The following PRR5 variants were observed in gnomAD, a reference collection of about 807,000 sequenced individuals.
The protein encoded by PRR5 is proline-rich protein 5.
PRR5 carries 25 observed loss-of-function variants against 30.6 expected under a neutral mutation model. That is an observed-to-expected ratio of 0.82 (90% CI 0.60 to 1.14). The LOEUF (loss-of-function observed/expected upper bound fraction) is 1.14, where lower values mean the gene tolerates loss of function less well. Ranked by LOEUF, PRR5 falls within the 50% of genes most tolerant of loss-of-function variation. PRR5 has a pLI of 0.00. For missense variants in PRR5, 600 were observed against 547.1 expected, an observed-to-expected ratio of 1.10 and a Z score of -0.96; for synonymous variants, 286 against 247.1, an observed-to-expected ratio of 1.16 and a Z score of -1.48.
intron 1 of PRR5, among the ~76,000 whole-genome samples, chr22:44,707,996 ACAAATC>A (rs1343129195): frequency 6.6e-6 from 1 of 152,084 alleles, no homozygotes; most frequent in Non-Finnish European, 1.5e-5. Flanking sequence ...CTCACTCCAC[ACAAATC>A]CACCTCCAAG....
chr22:44,735,924 T>G (rs1484058664), intron 7 of PRR5, among the ~76,000 whole-genome samples: 1 of 152,190 alleles, frequency 6.6e-6, no homozygotes, highest in Non-Finnish European at 1.5e-5. Flanking sequence ...CCACCCAGGC[T>G]TGGTGTAGCC....
chr22:44,731,572 A>G, intron 4 of PRR5, 158 bp from the exon 5 acceptor site: 4 of 685,246 alleles, frequency 5.8e-6, no homozygotes, highest in Non-Finnish European at 1.0e-5. Flanking sequence ...GCCATAGAAC[A>G]GCTGAGCTGT....
intron 1 of PRR5, among the ~76,000 whole-genome samples, chr22:44,704,630 C>T (rs538135838): frequency 6.6e-6 from 1 of 152,226 alleles, no homozygotes; most frequent in South Asian, 2.1e-4. Context: ...TCCTGCACTC[C>T]TCTTATGTGC....
chr22:44,693,953 C>A (rs1925523656), intron 1 of PRR5, among the ~76,000 whole-genome samples: 2 of 152,162 alleles, frequency 1.3e-5, no homozygotes. Context: ...ATAAGGACAT[C>A]AGTCACTGGA....
intron 1 of PRR5, among the ~76,000 whole-genome samples, chr22:44,668,976 G>A (rs1220052851): frequency 6.6e-6 from 1 of 151,320 alleles, no homozygotes; most frequent in Non-Finnish European, 1.5e-5. Context: ...CGCCGACTGC[G>A]GGGCCCTAGG....
At chr22:44,675,787 T>TTAG (rs1555894620), upstream of PRR5, among the ~76,000 whole-genome samples, 1 of 148,694 alleles carries the variant, frequency 6.7e-6, no homozygotes, top group African/African-American at 2.5e-5. Context: ...ATTATTATTA[T>TTAG]TATTATTATT....
chr22:44,710,505 C>G (rs1360452963), intron 1 of PRR5, among the ~76,000 whole-genome samples: 1 of 152,206 alleles, frequency 6.6e-6, no homozygotes, highest in African/African-American at 2.4e-5. Context: ...CATGCCCCAA[C>G]TGGGCCCGTC....
chr22:44,685,211 G>C (rs1272173470), intron 1 of PRR5, among the ~76,000 whole-genome samples: 1 of 152,148 alleles, frequency 6.6e-6, no homozygotes, highest in African/African-American at 2.4e-5. Flanking sequence ...TAGGGCCTCC[G>C]TGAGTGAGCA....
chr22:44,733,108 G>A (rs1302491698), intron 6 of PRR5, among the ~76,000 whole-genome samples: 1 of 152,266 alleles, frequency 6.6e-6, no homozygotes, highest in East Asian at 1.9e-4. Flanking sequence ...TTTGTCAGTG[G>A]GTCAGCTCTG....
At chr22:44,705,706 C>A (rs934544901) in intron 1 of PRR5, among the ~76,000 whole-genome samples, 2 of 151,394 alleles carry the variant, frequency 1.3e-5, no homozygotes, top group Non-Finnish European at 2.9e-5. Context: ...CTCACTGCAA[C>A]CTCCACCTCC....
intron 4 of PRR5, among the ~76,000 whole-genome samples, chr22:44,729,105 C>G (rs772782889): frequency 6.6e-6 from 1 of 152,178 alleles, no homozygotes; most frequent in Non-Finnish European, 1.5e-5. Context: ...GATCTGCCGT[C>G]GCTCATCCAC....
upstream of PRR5, among the ~76,000 whole-genome samples, chr22:44,674,688 C>T (rs1207253445): frequency 1.3e-5 from 2 of 151,056 alleles, no homozygotes; most frequent in Non-Finnish European, 2.9e-5. Flanking sequence ...CACTGCACTC[C>T]AGCCTGGGCG....
upstream of PRR5, among the ~76,000 whole-genome samples, chr22:44,700,133 A>G (rs749306785): frequency 6.6e-6 from 1 of 152,280 alleles, no homozygotes; most frequent in South Asian, 2.1e-4. Flanking sequence ...CCTGGGCAAC[A>G]TAGCAAGACC....
chr22:44,693,564 C>T (rs141720942), intron 1 of PRR5, among the ~76,000 whole-genome samples: 4 of 151,910 alleles, frequency 2.6e-5, no homozygotes, highest in Non-Finnish European at 5.9e-5. Context: ...CATCCTCACA[C>T]AGCCCTCTCC....
intron 3 of PRR5, among the ~76,000 whole-genome samples, chr22:44,725,966 A>G (rs1387982610): frequency 3.3e-5 from 5 of 152,166 alleles, no homozygotes; most frequent in African/African-American, 7.2e-5. Flanking sequence ...CGCCCGACCA[A>G]TTCTGTACAT....
chr22:44,730,707 C>T (rs1921792616), intron 4 of PRR5: 1 of 979,870 alleles, frequency 1.0e-6, no homozygotes, highest in Non-Finnish European at 1.3e-6. Flanking sequence ...GCCCTCCCTG[C>T]CTGACCCTCT....
At chr22:44,713,324 C>T (rs999491880) in intron 1 of PRR5, among the ~76,000 whole-genome samples, 6 of 152,206 alleles carry the variant, frequency 3.9e-5, no homozygotes, top group Admixed American at 1.3e-4. Context: ...CTAGACTTCC[C>T]GACCTCAGGT....
In PRR5 at chr22:44,702,440, C is replaced by T; in HGVS notation, c.-35C>T. The T allele has an allele frequency of 7.7e-7, 1 of 1,294,994 alleles. No homozygotes were observed. Among genetic ancestry groups the T allele is most frequent in the Non-Finnish European group, 9.8e-7 (1 of 1,018,788 alleles). 80.2% of individuals were successfully genotyped at this position (1,294,994 alleles called of 1,614,324 possible). On this transcript the variant is annotated 5_prime_UTR_variant, in exon 1 of 8. Coordinates refer to ENST00000336985, the MANE Select transcript of PRR5 (RefSeq NM_181333.4). Reference sequence around the variant, plus strand: ...GCGTGGCGCAGGGCGCGGCGTGGGGCGCGCGTGGGCGCGGCGCAGGCGGCC... The same window carrying T: ...GCGTGGCGCAGGGCGCGGCGTGGGGTGCGCGTGGGCGCGGCGCAGGCGGCC...
chr22:44,729,971 G>T (rs113960803), intron 4 of PRR5: 2 of 985,320 alleles, frequency 2.0e-6, no homozygotes, highest in Admixed American at 1.2e-4. Context: ...GCATCCATCC[G>T]TCCGGGGCAT....
Sources: allele counts gnomAD v4.1 joint callset (sites outside exome capture counted in the v4.1 genomes callset), GRCh38; gene constraint gnomAD v4.1.1; transcripts MANE v1.5; gene names NCBI Gene and HGNC (gene_info 2026-07-23, HGNC 2026-07-21).